Variants in PALMD observed in about 807,000 individuals in gnomAD.
PALMD encodes paralemmin-like protein.
A neutral mutation model predicts 56.2 loss-of-function variants in PALMD; 42 were observed. That is an observed-to-expected ratio of 0.75 (90% CI 0.58 to 0.97). PALMD has a LOEUF of 0.97. Ranked by LOEUF, PALMD falls within the 50% of genes least tolerant of loss-of-function variation. The pLI is 0.00. For missense variants in PALMD, 660 were observed against 643.8 expected (o/e 1.03, Z -0.27); for synonymous variants, 242 against 222.9 (o/e 1.09, Z -0.76).
chr1:99,650,505 C>A (rs780585288), intron 1 of PALMD, among the ~76,000 whole-genome samples: 1 of 152,152 alleles, frequency 6.6e-6, no homozygotes, highest in Non-Finnish European at 1.5e-5. Flanking sequence ...CTAGTTATTT[C>A]TTTAGCACAT....
At chr1:99,648,351 C>A (rs1473296473) in intron 1 of PALMD, among the ~76,000 whole-genome samples, 3 of 152,138 alleles carry the variant, frequency 2.0e-5, no homozygotes, top group African/African-American at 7.2e-5. Context: ...CTTGGACGCC[C>A]TGGGACACGC....
In PALMD at chr1:99,689,630, A is replaced by T; in HGVS notation, c.1370A>T (p.Glu457Val). Reference sequence around the variant, plus strand: ...GATGAGGAGGAGGAGGATGAAGGAGAAGCAGAGAAACCGTCCTACCACCCC... The same window carrying T: ...GATGAGGAGGAGGAGGATGAAGGAGTAGCAGAGAAACCGTCCTACCACCCC... ...IDDEEEEDEG[E>V]AEKPSYHPIA... is the part of the protein sequence containing the mutation. Residue 457 changes from glutamate to valine, a missense_variant, in exon 7 of 8, where the codon GAA (glutamate) becomes GTA (valine). Physicochemically the swap from Glu to Val is moderately radical, Grantham distance 121. Coordinates refer to ENST00000263174, the MANE Select transcript of PALMD (RefSeq NM_017734.5). 1 of 1,613,728 alleles carries T rather than the reference A, an allele frequency of 6.2e-7. No homozygotes were observed.
At position 99,650,285 on chromosome 1, in the gene PALMD, GAAAAAAAAAA is replaced by G. The variant is rs200081370; in HGVS notation, c.45+3948_45+3957del. Among the ~76,000 whole-genome samples, 6 of 116,994 alleles carry G rather than the reference GAAAAAAAAAA, an allele frequency of 5.1e-5. No homozygotes were observed. In the East Asian group the frequency reaches 7.5e-4, roughly 15 times the overall value. 76.8% of individuals were successfully genotyped at this position (116,994 alleles called of 152,430 possible). A position where few individuals can be genotyped will look rare whatever the true frequency, so the allele number is the denominator to read the frequency against. ...TTTGCCGGCCAAAGCTGCTCATAAT[GAAAAAAAAAA>G]AAAAAAAAAAAAAAAAAAAAAAAAG... On this transcript the variant is annotated intron_variant, in intron 1 of 7. Coordinates refer to ENST00000263174, the MANE Select transcript of PALMD (RefSeq NM_017734.5).
intron 3 of PALMD, among the ~76,000 whole-genome samples, chr1:99,679,964 T>C (rs1386445992): frequency 3.9e-5 from 6 of 152,206 alleles, no homozygotes; most frequent in Non-Finnish European, 8.8e-5. Flanking sequence ...ATGTGTTAAA[T>C]GTTATAAATG....
At chr1:99,683,919 T>A (rs1249145013) in intron 3 of PALMD, 4 of 152,188 alleles carry the variant, frequency 2.6e-5, no homozygotes, top group Non-Finnish European at 4.4e-5. Flanking sequence ...TGTTTCCCGC[T>A]CTCACTTCCT....
chr1:99,652,824 T>G (rs1012896303), intron 1 of PALMD, among the ~76,000 whole-genome samples: 1 of 152,200 alleles, frequency 6.6e-6, no homozygotes, highest in African/African-American at 2.4e-5. Context: ...ATGGAGGGTC[T>G]GCTTTGCTTA....
At chr1:99,660,149 C>A (rs369173894) in intron 1 of PALMD, among the ~76,000 whole-genome samples, 2 of 152,198 alleles carry the variant, frequency 1.3e-5, no homozygotes, top group East Asian at 3.9e-4. Flanking sequence ...GTGCTCCCTG[C>A]TAATGAGAGG....
intron 7 of PALMD, chr1:99,690,073 A>G: frequency 2.0e-6 from 1 of 511,808 alleles, no homozygotes; most frequent in Non-Finnish European, 3.4e-6. Context: ...AGTAAAAATA[A>G]ATCATTGCCT....
intron 3 of PALMD, among the ~76,000 whole-genome samples, chr1:99,676,435 G>A (rs1653215028): frequency 6.6e-6 from 1 of 152,026 alleles, no homozygotes; most frequent in East Asian, 1.9e-4. Context: ...GTGCAGTTTT[G>A]TTATATGGAT....
At chr1:99,684,234 A>T (rs947352295) in intron 3 of PALMD, 1 of 152,228 alleles carries the variant, frequency 6.6e-6, no homozygotes, top group Non-Finnish European at 1.5e-5. Flanking sequence ...CAAGCTAAAA[A>T]TGGTTTTTAT....
rs544335790 is a variant in PALMD at position 99,692,303 on chromosome 1, C to G, written c.1613-1716C>G. 1.4e-3 allele frequency among the ~76,000 whole-genome samples: 210 copies of G among 152,226 alleles called. 1 individual carries two copies. Among genetic ancestry groups the G allele is most frequent in the East Asian group, 3.9e-4 (2 of 5,184 alleles). On this transcript the variant is annotated intron_variant, in intron 7 of 7. Transcript: ENST00000263174. ...TTCATATGCTACTGGTGCTGATTGC[C>G]AACCTGCAACAGCCATTAGAGTCCA...
intron 1 of PALMD, among the ~76,000 whole-genome samples, chr1:99,653,106 C>T (rs1440593514): frequency 6.6e-6 from 1 of 152,170 alleles, no homozygotes; most frequent in Non-Finnish European, 1.5e-5. Context: ...GACATCCTTG[C>T]ATCTTTCACA....
chr1:99,649,436 T>G (rs1050035889), intron 1 of PALMD, among the ~76,000 whole-genome samples: 4 of 152,164 alleles, frequency 2.6e-5, no homozygotes, highest in Non-Finnish European at 4.4e-5. Flanking sequence ...TTAACAATAC[T>G]GGAACTGAGG....
chr1:99,688,574 T>C (rs1017226701), intron 6 of PALMD, among the ~76,000 whole-genome samples: 1 of 152,172 alleles, frequency 6.6e-6, no homozygotes, highest in African/African-American at 2.4e-5. Flanking sequence ...TACAATTCCC[T>C]ACACCATTAC....
At chr1:99,673,324 A>G (rs745532817) in intron 3 of PALMD, among the ~76,000 whole-genome samples, 12 of 152,188 alleles carry the variant, frequency 7.9e-5, no homozygotes, top group Non-Finnish European at 1.6e-4. Flanking sequence ...TGTGCAGGTC[A>G]ATTGTACCTT....
At position 99,667,467 on chromosome 1, in the gene PALMD, C is replaced by G. The variant is rs12067812; in HGVS notation, c.127-175C>G. 2,269 of 620,510 alleles carry G rather than the reference C, an allele frequency of 3.7e-3. 42 individuals carry two copies. The African/African-American group carries it at 0.037, about 10-fold the overall frequency. 38.4% of individuals were successfully genotyped at this position (620,510 alleles called of 1,614,324 possible). On this transcript the variant is annotated intron_variant, in intron 2 of 7. Coordinates refer to ENST00000263174, the MANE Select transcript of PALMD (RefSeq NM_017734.5). ...GATGCATAAAACCTGGCTTTGAATA[C>G]AGTCAAGAAGGTTACAATGAAAGAA...
chr1:99,647,230 A>G (rs1433590525), intron 1 of PALMD, among the ~76,000 whole-genome samples: 1 of 152,220 alleles, frequency 6.6e-6, no homozygotes, highest in Non-Finnish European at 1.5e-5. Flanking sequence ...AGATCTTTGG[A>G]AAGCAATATC....
intron 1 of PALMD, among the ~76,000 whole-genome samples, chr1:99,654,850 G>C (rs1277442404): frequency 1.3e-5 from 2 of 152,116 alleles, no homozygotes; most frequent in African/African-American, 4.8e-5. Flanking sequence ...ATTTGGTGGA[G>C]AATGTGGATA....
At chr1:99,654,349 T>C (rs1286754771) in intron 1 of PALMD, among the ~76,000 whole-genome samples, 2 of 149,014 alleles carry the variant, frequency 1.3e-5, no homozygotes, top group Non-Finnish European at 2.9e-5. Context: ...TTTATAGCTA[T>C]TATGTTAAAA....
Sources: gnomAD v4.1 joint callset for allele counts (sites outside exome capture counted in the v4.1 genomes callset) on GRCh38, gnomAD v4.1.1 for gene constraint, MANE v1.5 for transcripts, NCBI Gene and HGNC (gene_info 2026-07-23, HGNC 2026-07-21) for gene names.